The following CYSLTR1 variants were observed in gnomAD, a reference collection of about 807,000 sequenced individuals.
CYSLTR1 encodes the protein cysteinyl leukotriene receptor 1.
A neutral mutation model predicts 2.1 loss-of-function variants in CYSLTR1; 1 was observed. The observed-to-expected ratio is 0.48, with a 90% CI of 0.17 to 2.28. CYSLTR1 has a LOEUF of 2.28. CYSLTR1 is among the 30% of genes most tolerant of loss of function. The pLI is 0.26. For missense variants in CYSLTR1, 299 were observed against 250.1 expected (o/e 1.20, Z -1.32); for synonymous variants, 110 against 89.6 (o/e 1.23, Z -1.28).
intron 1 of CYSLTR1, among the ~76,000 whole-genome samples, chrX:78,302,078 C>T (rs746484904): frequency 9.8e-5 from 11 of 112,153 alleles, no homozygotes; most frequent in South Asian, 7.4e-4. Context: ...GTTCCTCCCA[C>T]GACACATGGG....
At chrX:78,320,269 C>G (rs1436432540) in intron 1 of CYSLTR1, 1 of 111,856 alleles carries the variant, frequency 8.9e-6, no homozygotes, top group African/African-American at 3.3e-5. Context: ...TTTAATCCAT[C>G]TTGAATTAAT....
chrX:78,324,127 A>G (rs1923773362), intron 1 of CYSLTR1, among the ~76,000 whole-genome samples: 1 of 112,059 alleles, frequency 8.9e-6, no homozygotes, highest in Admixed American at 9.4e-5. Flanking sequence ...GCAGGATAGA[A>G]GAATTTATAC....
At chrX:78,310,342 G>T (rs1302887816) in intron 1 of CYSLTR1, among the ~76,000 whole-genome samples, 1 of 111,748 alleles carries the variant, frequency 8.9e-6, no homozygotes, top group Non-Finnish European at 1.9e-5. Flanking sequence ...GCAAAATGCT[G>T]TATTGCCATT....
intron 1 of CYSLTR1, among the ~76,000 whole-genome samples, chrX:78,307,947 G>C (rs1178601611): frequency 9.0e-6 from 1 of 111,194 alleles, no homozygotes; most frequent in East Asian, 2.8e-4. Flanking sequence ...TTTGGCCTGA[G>C]TCCAGGTGAG....
Position 78,273,482 on chromosome X carries a change from A to T in CYSLTR1, c.265T>A (p.Trp89Arg). ...RVVYYVHKGI[W>R]LFGDFLCRLS... ...CGGCACAAGAAGTCACCAAAGAGCC[A>T]AATGCCTTTGTGAACATAATAGACC... Residue 89 changes from tryptophan (W) to arginine (R), a missense_variant, in exon 3 of 3, where the codon TGG (tryptophan) becomes AGG (arginine). By Grantham distance (101) the Trp-to-Arg change is moderately radical. Coordinates refer to ENST00000373304, the MANE Select transcript of CYSLTR1 (RefSeq NM_006639.4). 1 of 1,211,997 alleles carries T rather than the reference A, an allele frequency of 8.3e-7. No homozygotes were observed. The highest frequency in any genetic ancestry group is 1.1e-6 in the Non-Finnish European group (1 of 895,567).
intron 1 of CYSLTR1, among the ~76,000 whole-genome samples, chrX:78,290,832 C>T (rs918632904): frequency 8.9e-6 from 1 of 112,110 alleles, no homozygotes; most frequent in Non-Finnish European, 1.9e-5. Flanking sequence ...GCTGAAGTTG[C>T]TTATCAGCTT....
At chrX:78,275,979 T>C (rs1049350684) in intron 2 of CYSLTR1, among the ~76,000 whole-genome samples, 2 of 112,178 alleles carry the variant, frequency 1.8e-5, no homozygotes, top group Non-Finnish European at 1.9e-5. Flanking sequence ...AGTGATAAAA[T>C]ACATTTCTAA....
At chrX:78,323,710 A>G (rs189509545) in intron 1 of CYSLTR1, among the ~76,000 whole-genome samples, 76 of 111,593 alleles carry the variant, frequency 6.8e-4, no homozygotes, top group African/African-American at 2.4e-3. Flanking sequence ...GGGAAAAGGG[A>G]TTGATGAAAA....
chrX:78,284,176 T>A (rs1921956778), intron 1 of CYSLTR1, among the ~76,000 whole-genome samples: 1 of 111,725 alleles, frequency 9.0e-6, no homozygotes, highest in Non-Finnish European at 1.9e-5. Flanking sequence ...TTATGTTCAA[T>A]AATCTAACAA....
rs189406155 is a variant in CYSLTR1, at chrX:78,324,617, C to T, written c.-115+2688G>A. The stretch of plus-strand genomic sequence containing the variant: ...TCTTGACCTTGTGATCTGCCCACCT[C>T]GGCCTCCCAAAGTGCTGGGATTACA... On this transcript the variant is annotated intron_variant, in intron 1 of 2. Transcript: ENST00000373304. Among the ~76,000 whole-genome samples the T allele has an allele frequency of 8.4e-4, 94 of 111,894 alleles. No individual in the cohort carries two copies. The East Asian group carries it at 0.025, about 30-fold the overall frequency.
intron 2 of CYSLTR1, among the ~76,000 whole-genome samples, chrX:78,277,031 C>G: frequency 9.0e-6 from 1 of 111,351 alleles, no homozygotes; most frequent in Non-Finnish European, 1.9e-5. Context: ...TTTGAGCTAG[C>G]AGGGAGAACT....
At chrX:78,281,174 A>G (rs765635779) in intron 2 of CYSLTR1, among the ~76,000 whole-genome samples, 3 of 111,123 alleles carry the variant, frequency 2.7e-5, no homozygotes, top group Non-Finnish European at 5.7e-5. Context: ...ACTTTCTACA[A>G]TGGCTGACCT....
At chrX:78,297,237 C>T (rs1285521529) in intron 1 of CYSLTR1, among the ~76,000 whole-genome samples, 1 of 111,693 alleles carries the variant, frequency 9.0e-6, no homozygotes, top group African/African-American at 3.2e-5. Flanking sequence ...AGGGATAAAT[C>T]CCACTTGGTC....
At position 78,272,622 on chromosome X, in the gene CYSLTR1, TTAAG is replaced by T; in HGVS notation, c.*107_*110del. The T allele has an allele frequency of 6.6e-6, 5 of 758,824 alleles. No individual in the cohort carries two copies. The highest frequency in any genetic ancestry group is 5.4e-6 in the Non-Finnish European group (3 of 554,530). 62.5% of individuals were successfully genotyped at this position (758,824 alleles called of 1,213,427 possible). A position where few individuals can be genotyped will look rare whatever the true frequency, so the allele number is the denominator to read the frequency against. On this transcript the variant is annotated 3_prime_UTR_variant, in exon 3 of 3. Coordinates refer to ENST00000373304, the MANE Select transcript of CYSLTR1 (RefSeq NM_006639.4). ...GAGATAGAGTTGTAGGCCCAAATAG[TTAAG>T]TATTTGTAAAATATTAAGTAAAATT...
At chrX:78,290,862 A>T (rs1261442472) in intron 1 of CYSLTR1, among the ~76,000 whole-genome samples, 6 of 111,968 alleles carry the variant, frequency 5.4e-5, no homozygotes, top group African/African-American at 1.9e-4. Context: ...TTGGGCTGAG[A>T]TGATGGGATT....
At chrX:78,279,911 T>G (rs937169123) in intron 2 of CYSLTR1, among the ~76,000 whole-genome samples, 1 of 111,296 alleles carries the variant, frequency 9.0e-6, no homozygotes, top group African/African-American at 3.3e-5. Flanking sequence ...TATATGGACA[T>G]AAAGATGGGA....
chrX:78,288,726 C>G (rs1229988278), intron 1 of CYSLTR1, among the ~76,000 whole-genome samples: 1 of 111,488 alleles, frequency 9.0e-6, no homozygotes, highest in Non-Finnish European at 1.9e-5. Flanking sequence ...CAATTTTACT[C>G]TTTTAGTTAT....
At chrX:78,308,705 C>A (rs1407122870) in intron 1 of CYSLTR1, among the ~76,000 whole-genome samples, 1 of 111,864 alleles carries the variant, frequency 8.9e-6, no homozygotes, top group African/African-American at 3.2e-5. Flanking sequence ...TTTTTCTAAG[C>A]CTCTATTATG....
At chrX:78,324,051 G>A (rs1036036298) in intron 1 of CYSLTR1, among the ~76,000 whole-genome samples, 1 of 111,725 alleles carries the variant, frequency 9.0e-6, no homozygotes, top group Non-Finnish European at 1.9e-5. Flanking sequence ...TCTAGAAGAA[G>A]GACTGTGGGG....
Sources: allele counts gnomAD v4.1 joint callset (sites outside exome capture counted in the v4.1 genomes callset), GRCh38; gene constraint gnomAD v4.1.1; transcripts MANE v1.5; gene names NCBI Gene and HGNC (gene_info 2026-07-23, HGNC 2026-07-21).